SMUG1: variants seen among roughly 807,000 people sequenced by gnomAD.
The protein encoded by SMUG1 is single-strand selective monofunctional uracil DNA glycosylase.
SMUG1 carries 13 observed loss-of-function variants against 23.9 expected under a neutral mutation model. That is an observed-to-expected ratio of 0.54 (90% CI 0.35 to 0.86). SMUG1 has a LOEUF of 0.86. SMUG1 is among the 40% of genes least tolerant of loss of function. The pLI is 0.01. For missense variants in SMUG1, 313 were observed against 339.5 expected, an observed-to-expected ratio of 0.92 and a Z score of 0.61; for synonymous variants, 133 against 139.8, an observed-to-expected ratio of 0.95 and a Z score of 0.34.
downstream of SMUG1, among the ~76,000 whole-genome samples, chr12:54,178,011 C>A (rs1204431091): frequency 2.6e-5 from 4 of 152,066 alleles, no homozygotes. Context: ...TAAGGGGGGA[C>A]CTAATCCAGT....
Position 54,185,485 on chromosome 12 carries a change from A to AAAATAAAT in SMUG1, c.-19-1534_-19-1527dup, listed in dbSNP as rs71070813. Among the ~76,000 whole-genome samples, 53 of 85,258 alleles carry AAAATAAAT rather than the reference A, an allele frequency of 6.2e-4. 2 individuals carry two copies. Among genetic ancestry groups the AAAATAAAT allele is most frequent in the African/African-American group, 1.4e-3 (37 of 25,768 alleles). The allele number at this position is 85,258 out of a possible 152,430, so 55.9% of individuals were successfully genotyped here. On this transcript the variant is annotated intron_variant, in intron 2 of 3. Transcript: ENST00000682136. ...TCCATCTCAAAAAAAAATAAAATAAAAAATAAATAAATAAATAAATAAATA... is the reference window on the plus strand; with the variant it reads ...TCCATCTCAAAAAAAAATAAAATAAAAAATAAATAAATAAATAAATAAATAAATAAATA...
chr12:54,170,928 T>G lies in SMUG1; in HGVS notation c.*52+1097A>C, dbSNP rs112534793. Among the ~76,000 whole-genome samples, 652 of 150,582 alleles carry G rather than the reference T, an allele frequency of 4.3e-3. 8 individuals carry two copies. Among genetic ancestry groups the G allele is most frequent in the Middle Eastern group, 0.021 (6 of 280 alleles). On this transcript the variant is annotated intron_variant and NMD_transcript_variant, in intron 3 of 4. Transcript: ENST00000509864. The stretch of plus-strand genomic sequence containing the variant: ...GTTTCTTAATCCCATGACAGATAAA[T>G]GCACCTCTACAACTTCTAAATATTG...
At chr12:54,167,844 C>T (rs1490157296) in intron 3 of SMUG1, among the ~76,000 whole-genome samples, 3 of 152,218 alleles carry the variant, frequency 2.0e-5, no homozygotes, top group Admixed American at 6.5e-5. Context: ...TCTCCATCCT[C>T]CTCTAAAGCC....
chr12:54,186,342 T>C (rs1370599855), intron 2 of SMUG1, among the ~76,000 whole-genome samples: 1 of 97,700 alleles, frequency 1.0e-5, no homozygotes, highest in Non-Finnish European at 2.3e-5. Context: ...TTTGTTTTGT[T>C]TTGTTTTGTT....
intron 4 of SMUG1, chr12:54,165,169 TAG>T (rs1368406086): frequency 6.6e-6 from 1 of 152,194 alleles, no homozygotes; most frequent in African/African-American, 2.4e-5. Context: ...AACTTCAAGT[TAG>T]CTTTCTGTTC....
intron 2 of SMUG1, chr12:54,184,191 G>A (rs1941799657): frequency 2.5e-6 from 1 of 394,714 alleles, no homozygotes; most frequent in Middle Eastern, 6.6e-4. Flanking sequence ...CACCTGGTGA[G>A]GATAAGCCAT....
In SMUG1 at chr12:54,181,192, T is replaced by C. The variant is rs920953543; in HGVS notation, c.*904A>G. 4 of 209,114 alleles carry C rather than the reference T, an allele frequency of 1.9e-5. No homozygotes were observed. The highest frequency in any genetic ancestry group is 2.9e-5 in the Non-Finnish European group (3 of 104,318). 13.0% of individuals were successfully genotyped at this position (209,114 alleles called of 1,614,324 possible). A position where few individuals can be genotyped will look rare whatever the true frequency, so the allele number is the denominator to read the frequency against. On this transcript the variant is annotated 3_prime_UTR_variant, in exon 4 of 4. Coordinates refer to ENST00000682136, the MANE Select transcript of SMUG1 (RefSeq NM_001243787.2). ...TGAAAAAAAATCACAGGCTAGTTTTTTCATAGTCATTGATCCATCTCTGAC... is the reference window on the plus strand; with the variant it reads ...TGAAAAAAAATCACAGGCTAGTTTTCTCATAGTCATTGATCCATCTCTGAC...
In SMUG1 at chr12:54,188,289, AATAATAAATAATAATAAT is replaced by A. The variant is rs1192794035; in HGVS notation, c.-103-405_-103-388del. 3.8e-4 allele frequency among the ~76,000 whole-genome samples: 11 copies of A among 28,576 alleles called. No individual in the cohort carries two copies. In the Middle Eastern group the frequency reaches 0.059, roughly 153 times the overall value. The allele number at this position is 28,576 out of a possible 152,430, so 18.7% of individuals were successfully genotyped here. On this transcript the variant is annotated intron_variant, in intron 1 of 3. Coordinates refer to ENST00000682136, the MANE Select transcript of SMUG1 (RefSeq NM_001243787.2). ...ACGAAATAATAATAATAATAATAAT[AATAATAAATAATAATAAT>A]AATAATAATAATAATAATAATAATA...
chr12:54,182,386 G>A lies in SMUG1; in HGVS notation c.523C>T (p.Arg175Cys), dbSNP rs755183387. ...CPLLFLAPSG[R>C]NLTPAELPAK... Reference sequence around the variant, plus strand: ...GGCAGCTCAGCAGGAGTAAGGTTGCGCCCGCTGGGAGCCAGGAAAAGCAGA... The same window carrying A: ...GGCAGCTCAGCAGGAGTAAGGTTGCACCCGCTGGGAGCCAGGAAAAGCAGA... Residue 175 changes from arginine (R) to cysteine (C), a missense_variant, in exon 4 of 4, where the codon CGC (arginine) becomes TGC (cysteine). By Grantham distance (180) the Arg-to-Cys change is radical. Transcript: ENST00000682136. 29 of 1,614,076 alleles carry A rather than the reference G, an allele frequency of 1.8e-5. No homozygotes were observed. Among genetic ancestry groups the A allele is most frequent in the African/African-American group, 4.0e-5 (3 of 74,932 alleles).
chr12:54,187,282 T>G (rs776710786), intron 2 of SMUG1: 1 of 152,158 alleles, frequency 6.6e-6, no homozygotes, highest in Non-Finnish European at 1.5e-5. Context: ...ATAAACCTAT[T>G]TTCTCACCCT....
rs1940626129 is a variant in SMUG1 at position 54,171,746 on chromosome 12, T to G, written c.*52+279A>C. Among the ~76,000 whole-genome samples the G allele has an allele frequency of 6.3e-5, 9 of 143,984 alleles. No individual in the cohort carries two copies. In the South Asian group the frequency reaches 2.2e-3, roughly 36 times the overall value. The allele number at this position is 143,984 out of a possible 152,430, so 94.5% of individuals were successfully genotyped here. A position where few individuals can be genotyped will look rare whatever the true frequency, so the allele number is the denominator to read the frequency against. On this transcript the variant is annotated intron_variant and NMD_transcript_variant, in intron 3 of 4. Coordinates refer to the SMUG1 transcript ENST00000509864. ...TGTATTGATTTACCTGCTAGCCTCC[T>G]CTACCTGGATGCTTAACAGGTATCT...
At chr12:54,188,304 T>TAAAA (rs1279516149) in intron 1 of SMUG1, among the ~76,000 whole-genome samples, 1 of 122,232 alleles carries the variant, frequency 8.2e-6, no homozygotes, top group African/African-American at 3.4e-5. Flanking sequence ...TAAATAATAA[T>TAAAA]AATAATAATA....
chr12:54,185,158 A>C (rs1379031607), intron 2 of SMUG1, among the ~76,000 whole-genome samples: 10 of 151,794 alleles, frequency 6.6e-5, no homozygotes, highest in South Asian at 6.2e-4. Flanking sequence ...AAAAATACAA[A>C]TTAGTCAGGC....
rs773238483 is a variant in SMUG1 at position 54,183,824 on chromosome 12, A to G, written c.117T>C (p.Asn39=). The change falls in exon 3 of 4, where the codon AAT becomes AAC. Residue 39 remains asparagine, a synonymous_variant. Coordinates refer to ENST00000682136, the MANE Select transcript of SMUG1 (RefSeq NM_001243787.2). The part of the protein sequence containing the change: ...ESFLEEELRL[N]AELSQLQFSE... ...AAAACTGCAGCTGGCTCAGCTCAGC[A>G]TTGAGCCGAAGCTCCTCCTCCAGGA... The G allele has an allele frequency of 8.1e-6, 13 of 1,614,010 alleles. No homozygotes were observed. The highest frequency in any genetic ancestry group is 1.7e-5 in the Admixed American group (1 of 60,002).
rs770161908 is a variant in SMUG1, at chr12:54,183,559, T to C, written c.285+97A>G. The C allele has an allele frequency of 1.0e-4, 127 of 1,269,456 alleles. No homozygotes were observed. In the Middle Eastern group the frequency reaches 1.5e-3, roughly 15 times the overall value. 78.6% of individuals were successfully genotyped at this position (1,269,456 alleles called of 1,614,324 possible). A position where few individuals can be genotyped will look rare whatever the true frequency, so the allele number is the denominator to read the frequency against. On this transcript the variant is annotated intron_variant, in intron 3 of 3. Coordinates refer to ENST00000682136, the MANE Select transcript of SMUG1 (RefSeq NM_001243787.2). ...AATGGGGCGGGAGGACCTACACATG[T>C]CTACAGCCATGCACATGCTCCTTCT... is the stretch of plus-strand genomic sequence containing the variant.
In SMUG1 at chr12:54,182,407, G is replaced by C. The variant is rs1197839423; in HGVS notation, c.502C>G (p.Leu168Val). The C allele has an allele frequency of 1.2e-6, 2 of 1,614,238 alleles. No homozygotes were observed. Among genetic ancestry groups the C allele is most frequent in the Non-Finnish European group, 1.7e-6 (2 of 1,180,054 alleles). Residue 168 changes from leucine (L) to valine (V), a missense_variant, in exon 4 of 4, where the codon CTT (leucine) becomes GTT (valine). Transcript: ENST00000682136. ...HCFVHNLCPL[L>V]FLAPSGRNLT... ...TTGCGCCCGCTGGGAGCCAGGAAAA[G>C]CAGAGGGCATAGATTGTGGACAAAA...
At position 54,182,163 on chromosome 12, in the gene SMUG1, T is replaced by C. The variant is rs1466070209; in HGVS notation, c.746A>G (p.Lys249Arg). ...TTCCTTGGCCACTGCCTCCCAGCCCTTGTTGGCCTGTGGGTTACGGGGAGA... is the reference window on the plus strand; with the variant it reads ...TTCCTTGGCCACTGCCTCCCAGCCCCTGTTGGCCTGTGGGTTACGGGGAGA... Reference protein sequence around the residue: ...HPSPRNPQANKGWEAVAKERL... With the variant: ...HPSPRNPQANRGWEAVAKERL... The change falls in exon 4 of 4, where the codon AAG (lysine) becomes AGG (arginine). Residue 249 changes from lysine to arginine, a missense_variant. Coordinates refer to ENST00000682136, the MANE Select transcript of SMUG1 (RefSeq NM_001243787.2). 1.2e-6 allele frequency: 2 copies of C among 1,601,530 alleles called. No individual in the cohort carries two copies. Among genetic ancestry groups the C allele is most frequent in the Admixed American group, 1.7e-5 (1 of 58,988 alleles).
At chr12:54,168,142 T>G (rs181563193) in intron 3 of SMUG1, 1 of 152,368 alleles carries the variant, frequency 6.6e-6, no homozygotes, top group Non-Finnish European at 1.5e-5. Context: ...CTGCAGGTGC[T>G]TCTAGGCTTC....
downstream of SMUG1, among the ~76,000 whole-genome samples, chr12:54,178,020 G>C (rs890539261): frequency 2.0e-5 from 3 of 152,180 alleles, no homozygotes; most frequent in African/African-American, 7.2e-5. Flanking sequence ...ACCTAATCCA[G>C]TACAACTGGT....
Sources: allele counts gnomAD v4.1 joint callset (sites outside exome capture counted in the v4.1 genomes callset), GRCh38; gene constraint gnomAD v4.1.1; transcripts MANE v1.5; gene names NCBI Gene and HGNC (gene_info 2026-07-23, HGNC 2026-07-21).